The following LRMDA variants were observed in gnomAD, a reference collection of about 807,000 sequenced individuals.
The protein encoded by LRMDA is leucine-rich melanocyte differentiation-associated protein.
A neutral mutation model predicts 29.8 loss-of-function variants in LRMDA; 18 were observed. The ratio of observed to expected loss-of-function variants is 0.60; its 90% CI spans 0.42 to 0.90. The LOEUF (loss-of-function observed/expected upper bound fraction) is 0.90, where lower values mean the gene tolerates loss of function less well. Among genes scored for constraint, LRMDA ranks in the 40% least tolerant of loss-of-function variants. The pLI is 0.00. For synonymous variants in LRMDA, 125 were observed against 109.4 expected (o/e 1.14, Z -0.89); for missense variants, 273 against 273.9 (o/e 1.00, Z 0.02).
chr10:76,354,408 T>C (rs1841214575), intron 6 of LRMDA, among the ~76,000 whole-genome samples: 1 of 152,194 alleles, frequency 6.6e-6, no homozygotes. Flanking sequence ...AGCAAAGTAA[T>C]TGGAAATTGA....
chr10:76,183,550 C>T (rs139085924), intron 5 of LRMDA, among the ~76,000 whole-genome samples: 1 of 152,228 alleles, frequency 6.6e-6, no homozygotes, highest in East Asian at 1.9e-4. Context: ...ATACACAGAA[C>T]CCGGTTGGGA....
At chr10:75,608,731 C>T (rs1459110257) in intron 2 of LRMDA, among the ~76,000 whole-genome samples, 1 of 152,106 alleles carries the variant, frequency 6.6e-6, no homozygotes, top group Non-Finnish European at 1.5e-5. Context: ...ATATTGTGAG[C>T]CTGCAACTGT....
intron 2 of LRMDA, among the ~76,000 whole-genome samples, chr10:75,809,393 C>G (rs2132269786): frequency 6.6e-6 from 1 of 152,320 alleles, no homozygotes; most frequent in African/African-American, 2.4e-5. Context: ...CCTGTAATCC[C>G]AGCACTTTGT....
chr10:75,488,352 G>C (rs1017199777), intron 2 of LRMDA, among the ~76,000 whole-genome samples: 1 of 152,148 alleles, frequency 6.6e-6, no homozygotes, highest in Non-Finnish European at 1.5e-5. Flanking sequence ...TCAAAACATT[G>C]GAAGAAAATA....
intron 2 of LRMDA, among the ~76,000 whole-genome samples, chr10:75,441,953 A>G (rs1270486987): frequency 1.3e-5 from 2 of 152,236 alleles, no homozygotes; most frequent in Non-Finnish European, 2.9e-5. Context: ...ATACAGGCAC[A>G]TGGCACAACC....
intron 2 of LRMDA, among the ~76,000 whole-genome samples, chr10:75,728,437 T>A (rs973681057): frequency 1.3e-5 from 2 of 148,588 alleles, no homozygotes; most frequent in Non-Finnish European, 3.0e-5. Context: ...TGTGTGTGTG[T>A]GTGTGTGTGT....
chr10:76,073,035 C>T (rs536425109), intron 5 of LRMDA, among the ~76,000 whole-genome samples: 10 of 152,276 alleles, frequency 6.6e-5, no homozygotes, highest in African/African-American at 2.2e-4. Flanking sequence ...TACCACCCCC[C>T]ACAAACCTCC....
intron 2 of LRMDA, among the ~76,000 whole-genome samples, chr10:75,445,381 T>A (rs1844380171): frequency 6.6e-6 from 1 of 152,182 alleles, no homozygotes; most frequent in Non-Finnish European, 1.5e-5. Context: ...TGTCTCTGAT[T>A]AGCTGCTTTG....
At chr10:76,539,887 T>A (rs1843333590) in intron 6 of LRMDA, among the ~76,000 whole-genome samples, 1 of 152,068 alleles carries the variant, frequency 6.6e-6, no homozygotes, top group Non-Finnish European at 1.5e-5. Context: ...AAAAATTATG[T>A]CAGATACCCA....
chr10:75,528,053 T>C (rs1211547669), intron 2 of LRMDA, among the ~76,000 whole-genome samples: 1 of 152,096 alleles, frequency 6.6e-6, no homozygotes, highest in Non-Finnish European at 1.5e-5. Flanking sequence ...CCCAAAGTGC[T>C]GGGATTATAG....
chr10:75,593,150 C>G (rs1405873905), intron 2 of LRMDA, among the ~76,000 whole-genome samples: 1 of 152,220 alleles, frequency 6.6e-6, no homozygotes. Flanking sequence ...ATTCCCTCCC[C>G]CATCCCAACG....
At chr10:75,461,070 C>T (rs1473359772) in intron 2 of LRMDA, among the ~76,000 whole-genome samples, 1 of 152,024 alleles carries the variant, frequency 6.6e-6, no homozygotes, top group Admixed American at 6.6e-5. Flanking sequence ...GGTTGAGGCC[C>T]CTATAACAAA....
chr10:76,134,334 G>A (rs1007247680), intron 5 of LRMDA, among the ~76,000 whole-genome samples: 5 of 152,214 alleles, frequency 3.3e-5, no homozygotes, highest in African/African-American at 1.2e-4. Context: ...TCCCAAGGCC[G>A]GAATGAGACC....
chr10:75,681,947 G>C (rs1036102631), intron 2 of LRMDA, among the ~76,000 whole-genome samples: 3 of 152,180 alleles, frequency 2.0e-5, no homozygotes, highest in African/African-American at 7.2e-5. Flanking sequence ...TCTTGCCCAT[G>C]AGCTAACCTG....
chr10:75,700,872 G>C (rs538940653), intron 2 of LRMDA, among the ~76,000 whole-genome samples: 1 of 152,260 alleles, frequency 6.6e-6, no homozygotes, highest in African/African-American at 2.4e-5. Flanking sequence ...GGGCTTAGCT[G>C]TCGGCCCAGG....
intron 2 of LRMDA, among the ~76,000 whole-genome samples, chr10:75,685,493 A>T (rs1424150417): frequency 6.6e-6 from 1 of 152,204 alleles, no homozygotes; most frequent in Non-Finnish European, 1.5e-5. Flanking sequence ...GGCCAAGCTG[A>T]GTTTTCCAGG....
In LRMDA at chr10:76,223,033, G is replaced by A. The variant is rs541063262; in HGVS notation, c.517-101368G>A. Among the ~76,000 whole-genome samples the A allele has an allele frequency of 1.0e-2, 1,507 of 151,298 alleles. 31 individuals carry two copies. Among genetic ancestry groups the A allele is most frequent in the African/African-American group, 0.035 (1,440 of 41,186 alleles). On this transcript the variant is annotated intron_variant, in intron 5 of 6. Coordinates refer to ENST00000611255, the MANE Select transcript of LRMDA (RefSeq NM_001305581.2). ...TTGCAAGAACAAAAAACCAAACACC[G>A]CATATTCTCACTCATAGGTGGGAAT... is the stretch of plus-strand genomic sequence containing the variant.
At chr10:76,360,985 G>T (rs557005892) in intron 6 of LRMDA, among the ~76,000 whole-genome samples, 19 of 152,310 alleles carry the variant, frequency 1.2e-4, no homozygotes, top group African/African-American at 4.6e-4. Flanking sequence ...AATGGGCTGG[G>T]TGTGGTGGCT....
intron 2 of LRMDA, among the ~76,000 whole-genome samples, chr10:76,026,289 T>G (rs1343084916): frequency 6.6e-6 from 1 of 152,216 alleles, no homozygotes; most frequent in African/African-American, 2.4e-5. Context: ...CTAGAAAGTA[T>G]GTAGAGGTAG....
Sources: gnomAD v4.1 joint callset for allele counts (sites outside exome capture counted in the v4.1 genomes callset) on GRCh38, gnomAD v4.1.1 for gene constraint, MANE v1.5 for transcripts, NCBI Gene and HGNC (gene_info 2026-07-23, HGNC 2026-07-21) for gene names.